Variants in BICDL1 observed in about 807,000 individuals in gnomAD.
The protein encoded by BICDL1 is BICD family like cargo adaptor 1.
Under a neutral mutation model 76.8 loss-of-function variants are expected in BICDL1, and 20 were observed. That is an observed-to-expected ratio of 0.26 (90% CI 0.18 to 0.38). The LOEUF (loss-of-function observed/expected upper bound fraction) is 0.38. BICDL1 is among the 10% of genes least tolerant of loss of function. The probability of loss-of-function intolerance (pLI) is 1.00; values close to 1 mark genes in which losing one functional copy is unlikely to be tolerated. For missense variants in BICDL1, 700 were observed against 798.6 expected (o/e 0.88, Z 1.49); for synonymous variants, 383 against 337.1 (o/e 1.14, Z -1.49).
chr12:120,045,832 G>A (rs975563737), intron 2 of BICDL1, among the ~76,000 whole-genome samples: 1 of 151,408 alleles, frequency 6.6e-6, no homozygotes, highest in East Asian at 1.9e-4. Context: ...TGACGAGTTA[G>A]TGGGTGCAGC....
rs577674589 is a variant in BICDL1, at chr12:120,073,751, G to T, written c.1309-692G>T. Among the ~76,000 whole-genome samples the T allele has an allele frequency of 2.0e-5, 3 of 152,288 alleles. No individual in the cohort carries two copies. In the South Asian group the frequency reaches 6.2e-4, roughly 32 times the overall value. ...GGTAGCTGTTCTGTCTGACCATGCC[G>T]TATTGATCTGTGGGAGGTATTATAC... On this transcript the variant is annotated intron_variant, in intron 6 of 9. Coordinates refer to ENST00000548673, the MANE Select transcript of BICDL1 (RefSeq NM_001367886.1).
intron 8 of BICDL1, among the ~76,000 whole-genome samples, chr12:120,087,116 C>T (rs1451485346): frequency 6.6e-6 from 1 of 152,258 alleles, no homozygotes; most frequent in Non-Finnish European, 1.5e-5. Context: ...CGTGGGGCAC[C>T]ACGGGTTCTG....
chr12:120,011,088 TAGTTCAGGCAGTGATTC>T (rs979210531), intron 2 of BICDL1, among the ~76,000 whole-genome samples: 2 of 152,208 alleles, frequency 1.3e-5, no homozygotes, highest in African/African-American at 4.8e-5. Context: ...CAGTGGCTCT[TAGTTCAGGCAGTGATTC>T]AGTTCTCCTC....
intron 2 of BICDL1, among the ~76,000 whole-genome samples, chr12:120,043,179 A>G (rs1453962251): frequency 2.0e-5 from 3 of 152,194 alleles, no homozygotes; most frequent in Admixed American, 1.3e-4. Flanking sequence ...TGTTACCTAG[A>G]GCAGTGCTCC....
chr12:120,033,466 T>C (rs890043484), intron 2 of BICDL1, among the ~76,000 whole-genome samples: 13 of 143,734 alleles, frequency 9.0e-5, no homozygotes, highest in Admixed American at 3.0e-4. Context: ...AAACTCCGCC[T>C]CCCGGGTTCA....
intron 2 of BICDL1, among the ~76,000 whole-genome samples, chr12:120,054,050 C>T (rs1952921043): frequency 6.7e-6 from 1 of 149,738 alleles, no homozygotes; most frequent in African/African-American, 2.5e-5. Flanking sequence ...GTGGTGGGCA[C>T]CTATAATCCC....
intron 9 of BICDL1, chr12:120,090,635 G>A (rs552135919): frequency 2.8e-6 from 1 of 354,828 alleles, no homozygotes; most frequent in East Asian, 7.4e-5. Flanking sequence ...TCGTGAGGTT[G>A]AGGTAGCACA....
chr12:120,093,986 C>G lies in BICDL1; in HGVS notation c.*825C>G. 2.9e-6 allele frequency: 1 copy of G among 347,162 alleles called. No homozygotes were observed. 21.5% of individuals were successfully genotyped at this position (347,162 alleles called of 1,614,324 possible). A position where few individuals can be genotyped will look rare whatever the true frequency, so the allele number is the denominator to read the frequency against. ...AGCTCCCTCCTCCACCCCTCACATA[C>G]ATACATAATTTCTTGGCCTAGCCAA... On this transcript the variant is annotated 3_prime_UTR_variant, in exon 10 of 10. Coordinates refer to ENST00000548673, the MANE Select transcript of BICDL1 (RefSeq NM_001367886.1).
chr12:120,044,933 A>G (rs1197771875), intron 2 of BICDL1, among the ~76,000 whole-genome samples: 2 of 152,260 alleles, frequency 1.3e-5, no homozygotes, highest in East Asian at 1.9e-4. Context: ...GTTTTTTCCA[A>G]TTCTGTGAAG....
At chr12:120,089,184 G>A (rs1874714349) in intron 8 of BICDL1, among the ~76,000 whole-genome samples, 2 of 152,220 alleles carry the variant, frequency 1.3e-5, no homozygotes, top group African/African-American at 4.8e-5. Context: ...GGCCATTTTG[G>A]GAAAGGATGA....
In BICDL1 at chr12:120,093,532, A is replaced by G; in HGVS notation, c.*371A>G. The G allele has an allele frequency of 4.3e-6, 1 of 233,566 alleles. No homozygotes were observed. Among genetic ancestry groups the G allele is most frequent in the East Asian group, 1.3e-4 (1 of 7,694 alleles). 14.5% of individuals were successfully genotyped at this position (233,566 alleles called of 1,614,324 possible). The stretch of plus-strand genomic sequence containing the variant: ...CACTGCTGCCTCCTTGATTTTAGCA[A>G]ATGGGGAACAGAAGGAATGGAGGCC... On this transcript the variant is annotated 3_prime_UTR_variant, in exon 10 of 10. Transcript: ENST00000548673.
chr12:119,996,947 AAG>A (rs906800146), intron 1 of BICDL1, among the ~76,000 whole-genome samples: 7 of 149,192 alleles, frequency 4.7e-5, no homozygotes, highest in African/African-American at 1.3e-4. Flanking sequence ...CAGAAACAAA[AAG>A]ATTTTTTTTT....
At chr12:120,000,999 C>T (rs1056305884) in intron 2 of BICDL1, among the ~76,000 whole-genome samples, 43 of 152,058 alleles carry the variant, frequency 2.8e-4, no homozygotes, top group African/African-American at 9.4e-4. Flanking sequence ...CCTAAAAGAA[C>T]GTAGGAAGAT....
chr12:120,003,306 G>T, intron 2 of BICDL1, among the ~76,000 whole-genome samples: 1 of 152,222 alleles, frequency 6.6e-6, no homozygotes, highest in East Asian at 1.9e-4. Flanking sequence ...AACTCTATGA[G>T]AGCAGGGACT....
At chr12:119,991,732 C>G (rs978677198) in intron 1 of BICDL1, among the ~76,000 whole-genome samples, 1 of 152,080 alleles carries the variant, frequency 6.6e-6, no homozygotes, top group Non-Finnish European at 1.5e-5. Flanking sequence ...AGACAGCTGA[C>G]TTGAAAGGAG....
chr12:120,045,854 G>T lies in BICDL1; in HGVS notation c.646-15856G>T, dbSNP rs987492356. Among the ~76,000 whole-genome samples the T allele has an allele frequency of 7.3e-5, 11 of 150,796 alleles. No individual in the cohort carries two copies. The East Asian group carries it at 2.1e-3, about 29-fold the overall frequency. ...TTAGTGGGTGCAGCACACCAGCATG[G>T]CACATGTATGCATATGTAACTAACC... On this transcript the variant is annotated intron_variant, in intron 2 of 9. Transcript: ENST00000548673.
chr12:120,010,514 C>T (rs1951931660), intron 2 of BICDL1, among the ~76,000 whole-genome samples: 1 of 152,124 alleles, frequency 6.6e-6, no homozygotes, highest in Non-Finnish European at 1.5e-5. Flanking sequence ...ACAAAAAAAT[C>T]CCATATAATT....
intron 2 of BICDL1, among the ~76,000 whole-genome samples, chr12:120,012,636 T>G (rs923502538): frequency 6.6e-6 from 1 of 152,220 alleles, no homozygotes; most frequent in East Asian, 1.9e-4. Context: ...TTTACATTAA[T>G]GATAAGATCT....
Position 120,072,684 on chromosome 12 carries a change from G to T in BICDL1, c.1263G>T (p.Glu421Asp). The T allele has an allele frequency of 6.2e-7, 1 of 1,613,936 alleles. No individual in the cohort carries two copies. The highest frequency in any genetic ancestry group is 1.1e-5 in the South Asian group (1 of 91,062). ...GCAGCTTGCGCACTGCCCTCAATGA[G>T]CTCAAGAGACTGATACAGAGCATTG... ...PAGSLRTALNELKRLIQSIVD... is the reference protein window; with the variant it reads ...PAGSLRTALNDLKRLIQSIVD... Residue 421 changes from glutamate (E) to aspartate (D), a missense_variant, in exon 6 of 10, where the codon GAG becomes GAT. Physicochemically the swap from Glu to Asp is conservative, Grantham distance 45. Coordinates refer to ENST00000548673, the MANE Select transcript of BICDL1 (RefSeq NM_001367886.1).
Sources: allele counts gnomAD v4.1 joint callset (sites outside exome capture counted in the v4.1 genomes callset), GRCh38; gene constraint gnomAD v4.1.1; transcripts MANE v1.5; gene names NCBI Gene and HGNC (gene_info 2026-07-23, HGNC 2026-07-21).